Variants in DNAH11 observed in about 807,000 individuals in gnomAD.
DNAH11 encodes the protein dynein axonemal heavy chain 11.
Under a neutral mutation model 526.0 loss-of-function variants are expected in DNAH11, and 442 were observed. The observed-to-expected ratio is 0.84, with a 90% CI of 0.78 to 0.91. The LOEUF (loss-of-function observed/expected upper bound fraction) is 0.91, where lower values mean the gene tolerates loss of function less well. DNAH11 is among the 40% of genes least tolerant of loss of function. The pLI, the probability that DNAH11 is intolerant of heterozygous loss-of-function variation, is 0.00. For synonymous variants in DNAH11, 2,461 were observed against 1,935.9 expected (o/e 1.27, Z -7.12); for missense variants, 6,989 against 5,448.7 (o/e 1.28, Z -8.90).
chr7:21,780,224 T>C (rs953635196), intron 57 of DNAH11, among the ~76,000 whole-genome samples: 1 of 152,154 alleles, frequency 6.6e-6, no homozygotes, highest in Non-Finnish European at 1.5e-5. Flanking sequence ...AATGTTTCTG[T>C]TGAGTTTCAG....
At chr7:21,589,175 G>C in intron 11 of DNAH11, 33 bp from the exon 12 acceptor site, 1 of 1,513,318 alleles carries the variant, frequency 6.6e-7, no homozygotes, top group Non-Finnish European at 9.0e-7. Flanking sequence ...TCTAATATAC[G>C]TATAAACCAG....
rs574019221 is a variant in DNAH11 at position 21,621,187 on chromosome 7, C to T, written c.4500+1109C>T. Among the ~76,000 whole-genome samples, 3 of 152,200 alleles carry T rather than the reference C, an allele frequency of 2.0e-5. No homozygotes were observed. In the South Asian group the frequency reaches 6.2e-4, roughly 32 times the overall value. ...TACAAACTACCATCAGAGAATACTA[C>T]AAACACCTCTATGCAAATAAACTAG... On this transcript the variant is annotated intron_variant, in intron 25 of 81. Transcript: ENST00000409508.
chr7:21,589,834 A>T (rs2128443191), intron 12 of DNAH11, among the ~76,000 whole-genome samples: 1 of 152,310 alleles, frequency 6.6e-6, no homozygotes, highest in African/African-American at 2.4e-5. Flanking sequence ...ACGTAAGTTA[A>T]GATTTGGGGA....
chr7:21,738,941 A>AATTATT, intron 47 of DNAH11, 75 bp downstream of exon 47: 1 of 1,229,614 alleles, frequency 8.1e-7, no homozygotes, highest in Non-Finnish European at 1.1e-6. Flanking sequence ...ATGGATGAAT[A>AATTATT]ATTATTATGA....
At chr7:21,797,916 G>C (rs74707761) in intron 61 of DNAH11, among the ~76,000 whole-genome samples, 4,573 of 152,306 alleles carry the variant, frequency 0.03, 244 homozygotes, top group African/African-American at 0.1. Flanking sequence ...TGTGCTTGCT[G>C]AATGTGCTGT....
In DNAH11 at chr7:21,619,175, G is replaced by C; in HGVS notation, c.4330G>C (p.Val1444Leu). 1.2e-6 allele frequency: 2 copies of C among 1,613,552 alleles called. No individual in the cohort carries two copies. The highest frequency in any genetic ancestry group is 1.7e-6 in the Non-Finnish European group (2 of 1,179,668). The change falls in exon 24 of 82, where the codon GTC (valine) becomes CTC (leucine). Residue 1444 changes from valine to leucine, a missense_variant. Coordinates refer to ENST00000409508, the MANE Select transcript of DNAH11 (RefSeq NM_001277115.2). The stretch of plus-strand genomic sequence containing the variant: ...GCGGTTACACAGAGTGGAAGATGAT[G>C]TCCGAAGGATTGTGGACAAGGCGGT... The part of the protein sequence containing the change: ...ALRLHRVEDD[V>L]RRIVDKAVKE...
intron 81 of DNAH11, 45 bp from the exon 82 acceptor site, chr7:21,900,962 G>A: frequency 2.6e-6 from 4 of 1,521,578 alleles, no homozygotes; most frequent in Admixed American, 2.2e-5. Flanking sequence ...ATTATCATTA[G>A]TAGCAAGCTG....
intron 76 of DNAH11, among the ~76,000 whole-genome samples, chr7:21,887,644 C>T (rs1312489268): frequency 6.6e-6 from 1 of 152,088 alleles, no homozygotes; most frequent in Non-Finnish European, 1.5e-5. Context: ...GAACAATATG[C>T]TTAATAAATG....
Position 21,748,292 on chromosome 7 carries a change from T to C in DNAH11, c.8511-288T>C, listed in dbSNP as rs532930413. Reference sequence around the variant, plus strand: ...TGAGATCAGGAGTTCAAGACCAGCCTGGCCAACATAGTGAAACCCCGTCTC... The same window carrying C: ...TGAGATCAGGAGTTCAAGACCAGCCCGGCCAACATAGTGAAACCCCGTCTC... On this transcript the variant is annotated intron_variant, in intron 51 of 81. Coordinates refer to ENST00000409508, the MANE Select transcript of DNAH11 (RefSeq NM_001277115.2). 9.2e-5 allele frequency among the ~76,000 whole-genome samples: 14 copies of C among 152,294 alleles called. No homozygotes were observed. In the East Asian group the frequency reaches 2.3e-3, roughly 25 times the overall value.
chr7:21,621,585 C>T (rs1338947473), intron 25 of DNAH11, among the ~76,000 whole-genome samples: 1 of 152,042 alleles, frequency 6.6e-6, no homozygotes, highest in Non-Finnish European at 1.5e-5. Context: ...AAAATACTGG[C>T]AAACTGAATC....
At chr7:21,823,764 C>A (rs1264681375) in intron 65 of DNAH11, among the ~76,000 whole-genome samples, 1 of 152,064 alleles carries the variant, frequency 6.6e-6, no homozygotes, top group Non-Finnish European at 1.5e-5. Flanking sequence ...AAATACTAGA[C>A]AAAAACTAAA....
At chr7:21,678,797 A>G (rs1351853552) in intron 30 of DNAH11, among the ~76,000 whole-genome samples, 1 of 152,176 alleles carries the variant, frequency 6.6e-6, no homozygotes. Flanking sequence ...GAAGTAGTAT[A>G]GCCATTATGG....
chr7:21,815,212 C>A (rs1043793062), intron 63 of DNAH11, among the ~76,000 whole-genome samples: 6 of 152,078 alleles, frequency 3.9e-5, no homozygotes, highest in African/African-American at 1.4e-4. Context: ...ATCAAAGTTA[C>A]AGCCCCCAAT....
At chr7:21,882,780 G>C (rs564713540) in intron 75 of DNAH11, among the ~76,000 whole-genome samples, 6 of 152,270 alleles carry the variant, frequency 3.9e-5, no homozygotes, top group African/African-American at 1.2e-4. Flanking sequence ...CTGAGCAACA[G>C]AGTAAAACTC....
intron 30 of DNAH11, among the ~76,000 whole-genome samples, chr7:21,668,816 G>A (rs528365343): frequency 1.3e-5 from 2 of 152,202 alleles, no homozygotes; most frequent in African/African-American, 4.8e-5. Context: ...GTCTTTTTGT[G>A]AACATATATT....
Position 21,854,359 on chromosome 7 carries a change from A to C in DNAH11, c.11106A>C (p.Arg3702=). ...ATGAAAGAAAAATCAACGAGGCCCG[A>C]GAATGTTACAGACCAGTGGCAGCAA... ...KENERKINEA[R]ECYRPVAARA... is the part of the protein sequence containing the mutation. The change falls in exon 68 of 82, where the codon CGA becomes CGC. Residue 3702 remains arginine, a synonymous_variant. Transcript: ENST00000409508. 6.2e-7 allele frequency: 1 copy of C among 1,613,824 alleles called. No individual in the cohort carries two copies. Among genetic ancestry groups the C allele is most frequent in the Non-Finnish European group, 8.5e-7 (1 of 1,179,842 alleles).
chr7:21,867,111 T>C (rs1783311357), intron 71 of DNAH11, among the ~76,000 whole-genome samples: 1 of 152,176 alleles, frequency 6.6e-6, no homozygotes, highest in Non-Finnish European at 1.5e-5. Flanking sequence ...ACCAATGCAG[T>C]TTCAAAGCAG....
chr7:21,848,892 T>C (rs1340550336), intron 66 of DNAH11, among the ~76,000 whole-genome samples: 2 of 152,220 alleles, frequency 1.3e-5, no homozygotes, highest in African/African-American at 4.8e-5. Flanking sequence ...TTTTCTTTTT[T>C]CTTTTTTTCT....
intron 45 of DNAH11, among the ~76,000 whole-genome samples, chr7:21,728,757 G>A (rs1785250507): frequency 6.6e-6 from 1 of 152,202 alleles, no homozygotes; most frequent in Non-Finnish European, 1.5e-5. Context: ...TACAGTGGTA[G>A]AACAGGCATA....
Sources: gnomAD v4.1 joint callset for allele counts (sites outside exome capture counted in the v4.1 genomes callset) on GRCh38, gnomAD v4.1.1 for gene constraint, MANE v1.5 for transcripts, NCBI Gene and HGNC (gene_info 2026-07-23, HGNC 2026-07-21) for gene names.